SATB2: variants seen among roughly 807,000 people sequenced by gnomAD.
The protein encoded by SATB2 is SATB homeobox 2, also known as DNA-binding protein SATB2.
SATB2 carries 1 observed loss-of-function variant against 73.4 expected under a neutral mutation model. The ratio of observed to expected loss-of-function variants is 0.01; its 90% CI spans 0.00 to 0.06. The LOEUF is 0.06. Ranked by LOEUF, SATB2 falls within the 10% of genes least tolerant of loss-of-function variation. The pLI is 1.00. For synonymous variants in SATB2, 397 were observed against 367.0 expected, an observed-to-expected ratio of 1.08 and a Z score of -0.93; for missense variants, 459 against 945.8, an observed-to-expected ratio of 0.49 and a Z score of 6.75.
chr2:199,433,221 T>G (rs899532602), intron 3 of SATB2, 117 bp downstream of exon 3: 2 of 1,058,504 alleles, frequency 1.9e-6, no homozygotes, highest in African/African-American at 3.2e-5. Context: ...CACTAGGAAA[T>G]GCTAAATCTG....
intron 5 of SATB2, among the ~76,000 whole-genome samples, chr2:199,376,468 T>A (rs1205219927): frequency 6.6e-6 from 1 of 152,172 alleles, no homozygotes; most frequent in African/African-American, 2.4e-5. Flanking sequence ...TGGAGACATT[T>A]TGGTTGTCAC....
chr2:199,314,021 G>C (rs1460707205), intron 9 of SATB2, among the ~76,000 whole-genome samples: 1 of 152,100 alleles, frequency 6.6e-6, no homozygotes, highest in Admixed American at 6.5e-5. Context: ...TTCCCCATGA[G>C]AAGCTGTACT....
At chr2:199,426,907 G>A (rs1039289427) in intron 3 of SATB2, among the ~76,000 whole-genome samples, 23 of 151,748 alleles carry the variant, frequency 1.5e-4, no homozygotes, top group African/African-American at 4.8e-4. Flanking sequence ...TTTCTCTGTC[G>A]CCCAGGATGG....
At chr2:199,378,036 G>A (rs907411624) in intron 5 of SATB2, among the ~76,000 whole-genome samples, 7 of 152,142 alleles carry the variant, frequency 4.6e-5, no homozygotes, top group Admixed American at 1.3e-4. Flanking sequence ...ATACAATGAT[G>A]CCCAGCTTAT....
At chr2:199,440,976 G>A (rs896518452) in intron 2 of SATB2, among the ~76,000 whole-genome samples, 1 of 151,812 alleles carries the variant, frequency 6.6e-6, no homozygotes, top group Non-Finnish European at 1.5e-5. Context: ...AGCCTCCCAA[G>A]TAGCTGGGAT....
At chr2:199,335,356 C>CT (rs1688308278) in intron 7 of SATB2, among the ~76,000 whole-genome samples, 1 of 152,070 alleles carries the variant, frequency 6.6e-6, no homozygotes, top group African/African-American at 2.4e-5. Context: ...AATGTTGTTA[C>CT]TATAGAGATA....
intron 2 of SATB2, among the ~76,000 whole-genome samples, chr2:199,443,595 G>T (rs993864520): frequency 2.0e-5 from 3 of 149,366 alleles, no homozygotes; most frequent in African/African-American, 7.4e-5. Flanking sequence ...TACTGTCTAT[G>T]TTTAGAGTTC....
intron 9 of SATB2, among the ~76,000 whole-genome samples, chr2:199,323,093 G>C (rs1687933600): frequency 6.6e-6 from 1 of 152,066 alleles, no homozygotes; most frequent in Non-Finnish European, 1.5e-5. Context: ...ATGAAGAATT[G>C]AAGCAGATAG....
chr2:199,447,239 T>A (rs1334019722), intron 2 of SATB2, among the ~76,000 whole-genome samples: 1 of 152,146 alleles, frequency 6.6e-6, no homozygotes, highest in Admixed American at 6.5e-5. Flanking sequence ...AAAGCATAGC[T>A]CTGTGGAATG....
intron 5 of SATB2, among the ~76,000 whole-genome samples, chr2:199,380,031 ATGTCACCACGC>A (rs1689722709): frequency 4.0e-5 from 6 of 151,292 alleles, no homozygotes; most frequent in Non-Finnish European, 1.5e-5. Context: ...CTACAGGCAC[ATGTCACCACGC>A]CCAGCTAACT....
chr2:199,358,038 C>T (rs114447762), intron 6 of SATB2, among the ~76,000 whole-genome samples: 4,566 of 152,166 alleles, frequency 0.03, 105 homozygotes, highest in Non-Finnish European at 0.042. Context: ...AATGGCAATT[C>T]CATATGCTTC....
intron 6 of SATB2, among the ~76,000 whole-genome samples, chr2:199,356,192 TC>T: frequency 6.3e-5 from 8 of 127,596 alleles, no homozygotes; most frequent in African/African-American, 2.6e-4. Context: ...CCCCAGAACC[TC>T]TCCTAGAAAC....
In SATB2 at chr2:199,464,087, C is replaced by T. The variant is rs1692541120; in HGVS notation, c.-141+749G>A. On this transcript the variant is annotated intron_variant, in intron 1 of 11. Coordinates refer to the SATB2 transcript ENST00000260926. The surrounding 1 kb of genome is among the most constrained non-coding windows in gnomAD (Gnocchi z 6.6). Reference sequence around the variant, plus strand: ...GGCCCAAACTCGTAAGGAGTGGGGGCCAACTTAGAGGGCTTCCCGAGCTGG... The same window carrying T: ...GGCCCAAACTCGTAAGGAGTGGGGGTCAACTTAGAGGGCTTCCCGAGCTGG... Among the ~76,000 whole-genome samples, 1 of 152,136 alleles carries T rather than the reference C, an allele frequency of 6.6e-6. No individual in the cohort carries two copies. The highest frequency in any genetic ancestry group is 2.4e-5 in the African/African-American group (1 of 41,440).
intron 2 of SATB2, among the ~76,000 whole-genome samples, chr2:199,440,377 T>C (rs921396874): frequency 2.6e-5 from 4 of 152,180 alleles, no homozygotes; most frequent in Admixed American, 2.6e-4. Context: ...CACAGATTAA[T>C]AGATAAAAAG....
At chr2:199,428,324 T>C (rs1246912991) in intron 3 of SATB2, among the ~76,000 whole-genome samples, 2 of 152,330 alleles carry the variant, frequency 1.3e-5, no homozygotes, top group African/African-American at 2.4e-5. Context: ...AAAGTATCTA[T>C]ATATTTCATC....
chr2:199,328,285 A>T (rs1688087156), intron 8 of SATB2, among the ~76,000 whole-genome samples: 1 of 152,194 alleles, frequency 6.6e-6, no homozygotes. Context: ...TCACGCCTGT[A>T]ATCCCAGCAC....
chr2:199,373,977 G>A (rs1169289172), intron 5 of SATB2, among the ~76,000 whole-genome samples: 4 of 152,174 alleles, frequency 2.6e-5, no homozygotes, highest in Non-Finnish European at 5.9e-5. Flanking sequence ...TATATGATGA[G>A]CACATGCTCA....
intron 5 of SATB2, among the ~76,000 whole-genome samples, chr2:199,376,565 C>G (rs925301608): frequency 6.6e-6 from 1 of 152,042 alleles, no homozygotes; most frequent in African/African-American, 2.4e-5. Flanking sequence ...AGCCCCCCAC[C>G]ACAAAGAATT....
intron 9 of SATB2, among the ~76,000 whole-genome samples, chr2:199,321,283 G>A (rs192164152): frequency 1.3e-5 from 2 of 151,602 alleles, no homozygotes; most frequent in Non-Finnish European, 2.9e-5. Context: ...GTATGTATGT[G>A]TATGCATATG....
Sources: gnomAD v4.1 joint callset for allele counts (sites outside exome capture counted in the v4.1 genomes callset) on GRCh38, gnomAD v4.1.1 for gene constraint, Gnocchi (gnomAD v3.1) non-coding constraint, MANE v1.5 for transcripts, NCBI Gene and HGNC (gene_info 2026-07-23, HGNC 2026-07-21) for gene names.